The following PTAFR variants were observed in gnomAD, a reference collection of about 807,000 sequenced individuals.
The protein encoded by PTAFR is platelet-activating factor receptor.
PTAFR carries 8 observed loss-of-function variants against 14.7 expected under a neutral mutation model. The ratio of observed to expected loss-of-function variants is 0.54; its 90% CI spans 0.32 to 0.98. The LOEUF (loss-of-function observed/expected upper bound fraction) is 0.98. Among genes scored for constraint, PTAFR ranks in the 50% least tolerant of loss-of-function variants. PTAFR has a pLI of 0.04. For missense variants in PTAFR, 337 were observed against 451.2 expected (o/e 0.75, Z 2.29); for synonymous variants, 156 against 176.5 (o/e 0.88, Z 0.92).
rs866423875 is a variant in PTAFR, at chr1:28,152,068, T to G, written c.-38-1009A>C. ...TGTGACACCACACCTAGCTAATTTT[T>G]GTATTTTTTGTAGGGAAGGGGTTTT... On this transcript the variant is annotated intron_variant, in intron 1 of 1. Coordinates refer to ENST00000373857, the MANE Select transcript of PTAFR (RefSeq NM_000952.5). 3.3e-5 allele frequency among the ~76,000 whole-genome samples: 5 copies of G among 151,586 alleles called. No homozygotes were observed. In the South Asian group the frequency reaches 8.3e-4, roughly 25 times the overall value.
chr1:28,166,656 G>T (rs1646388765), intron 1 of PTAFR, among the ~76,000 whole-genome samples: 1 of 150,832 alleles, frequency 6.6e-6, no homozygotes, highest in Non-Finnish European at 1.5e-5. Context: ...GGGAAACAGA[G>T]CAAGACTCCA....
chr1:28,162,161 C>A lies in PTAFR; in HGVS notation c.-38-11102G>T, dbSNP rs74432414. ...TCGCTAAGCAGGCAAGTAACATGAT[C>A]GGACTCGCTCTAGCTGTCAGGTAGA... On this transcript the variant is annotated intron_variant, in intron 1 of 1. Coordinates refer to ENST00000373857, the MANE Select transcript of PTAFR (RefSeq NM_000952.5). 7.8e-3 allele frequency among the ~76,000 whole-genome samples: 1,190 copies of A among 152,238 alleles called. 20 individuals are homozygous for A. Among genetic ancestry groups the A allele is most frequent in the African/African-American group, 0.027 (1,126 of 41,534 alleles).
exon 1 of PTAFR, chr1:28,193,807 GCTTCTCGGGGAGGTCCTGGATGA>G (rs1377008741): frequency 1.3e-5 from 2 of 153,156 alleles, no homozygotes; most frequent in Non-Finnish European, 2.9e-5. Context: ...TTCCTGGACG[GCTTCTCGGGGAGGTCCTGGATGA>G]CTTCTCGGGG....
chr1:28,186,532 GA>G (rs987237796), intron 1 of PTAFR, among the ~76,000 whole-genome samples: 1 of 152,162 alleles, frequency 6.6e-6, no homozygotes, highest in African/African-American at 2.4e-5. Context: ...GAGTAGCTGA[GA>G]AATTTTTGAA....
At chr1:28,191,036 C>G (rs528969397) in intron 1 of PTAFR, among the ~76,000 whole-genome samples, 2 of 152,216 alleles carry the variant, frequency 1.3e-5, no homozygotes, top group African/African-American at 4.8e-5. Flanking sequence ...CTTCCTCTTC[C>G]TCTCCCTCAC....
chr1:28,153,719 C>G (rs1034637344), intron 1 of PTAFR, among the ~76,000 whole-genome samples: 7 of 151,916 alleles, frequency 4.6e-5, no homozygotes, highest in Non-Finnish European at 2.9e-5. Context: ...GAAACTGTGT[C>G]TCTACTAAAA....
At position 28,162,238 on chromosome 1, in the gene PTAFR, AGAGATGG is replaced by A. The variant is rs567638983; in HGVS notation, c.-38-11186_-38-11180del. Among the ~76,000 whole-genome samples, 47 of 152,330 alleles carry A rather than the reference AGAGATGG, an allele frequency of 3.1e-4. 1 individual carries two copies. The South Asian group carries it at 9.5e-3, about 31-fold the overall frequency. The stretch of plus-strand genomic sequence containing the variant: ...AAACAGCAAGAGCATTTTGGAGGTC[AGAGATGG>A]TGGTGGCATGGACCAGAAAGTGGCA... On this transcript the variant is annotated intron_variant, in intron 1 of 1. Coordinates refer to ENST00000373857, the MANE Select transcript of PTAFR (RefSeq NM_000952.5).
chr1:28,149,870 C>A lies in PTAFR; in HGVS notation c.*123G>T. The A allele has an allele frequency of 7.5e-7, 1 of 1,331,292 alleles. No homozygotes were observed. Among genetic ancestry groups the A allele is most frequent in the Non-Finnish European group, 1.0e-6 (1 of 976,638 alleles). 82.5% of individuals were successfully genotyped at this position (1,331,292 alleles called of 1,614,324 possible). A position where few individuals can be genotyped will look rare whatever the true frequency, so the allele number is the denominator to read the frequency against. Reference sequence around the variant, plus strand: ...CATCCCTGCCCAGGTGAGGTAGCCTCCAAATCTAATGGCCCACCAGTGCCC... The same window carrying A: ...CATCCCTGCCCAGGTGAGGTAGCCTACAAATCTAATGGCCCACCAGTGCCC... On this transcript the variant is annotated 3_prime_UTR_variant, in exon 2 of 2. Transcript: ENST00000373857.
At chr1:28,192,092 A>AT (rs1553166741) in intron 1 of PTAFR, among the ~76,000 whole-genome samples, 2 of 150,800 alleles carry the variant, frequency 1.3e-5, no homozygotes, top group African/African-American at 2.5e-5. Flanking sequence ...ATAGTAAAAC[A>AT]TTTAAAAAAA....
At chr1:28,183,918 T>G (rs528171873) in intron 1 of PTAFR, among the ~76,000 whole-genome samples, 1 of 151,656 alleles carries the variant, frequency 6.6e-6, no homozygotes, top group East Asian at 1.9e-4. Flanking sequence ...AAAAAAACTT[T>G]AAATGATGGA....
chr1:28,158,877 T>A (rs1158933664), intron 1 of PTAFR, among the ~76,000 whole-genome samples: 1 of 152,058 alleles, frequency 6.6e-6, no homozygotes, highest in Non-Finnish European at 1.5e-5. Flanking sequence ...CTGGAGGTGA[T>A]CAGACCAGAG....
chr1:28,189,754 C>T (rs1646637211), intron 1 of PTAFR, among the ~76,000 whole-genome samples: 2 of 151,620 alleles, frequency 1.3e-5, no homozygotes, highest in Admixed American at 6.6e-5. Context: ...CAACCTCCAC[C>T]TCCTGGGCTC....
intron 1 of PTAFR, among the ~76,000 whole-genome samples, chr1:28,185,202 C>T (rs1646596460): frequency 6.6e-6 from 1 of 152,170 alleles, no homozygotes; most frequent in Admixed American, 6.5e-5. Flanking sequence ...CTGTAATCTC[C>T]TTGAGTTTAT....
rs549748209 is a variant in PTAFR, at chr1:28,175,182, G to A, written c.-39+1410C>T. The stretch of plus-strand genomic sequence containing the variant: ...CCGCCTCGGCCTCCTAAAGTGCTGG[G>A]ATTACAGACGTGAGCCACCATGCCC... On this transcript the variant is annotated intron_variant, in intron 1 of 1. Transcript: ENST00000373857. Among the ~76,000 whole-genome samples, 256 of 152,254 alleles carry A rather than the reference G, an allele frequency of 1.7e-3. 1 individual carries two copies. Among genetic ancestry groups the A allele is most frequent in the Middle Eastern group, 0.014 (4 of 294 alleles).
chr1:28,164,000 T>C (rs539000148), intron 1 of PTAFR, among the ~76,000 whole-genome samples: 4 of 152,342 alleles, frequency 2.6e-5, no homozygotes, highest in Admixed American at 2.6e-4. Flanking sequence ...TAAATATTCA[T>C]GAGACAGAAG....
At chr1:28,169,231 T>C (rs1201819478) in intron 1 of PTAFR, among the ~76,000 whole-genome samples, 1 of 151,354 alleles carries the variant, frequency 6.6e-6, no homozygotes, top group African/African-American at 2.4e-5. Context: ...CCCCAGTCTC[T>C]ATAAAATAAA....
chr1:28,154,768 T>G (rs1363580431), intron 1 of PTAFR, among the ~76,000 whole-genome samples: 1 of 125,316 alleles, frequency 8.0e-6, no homozygotes, highest in Non-Finnish European at 1.6e-5. Flanking sequence ...GCCCAGATCA[T>G]GCCTTTGCGC....
chr1:28,168,659 G>A (rs1646418882), intron 1 of PTAFR, among the ~76,000 whole-genome samples: 1 of 151,998 alleles, frequency 6.6e-6, no homozygotes, highest in African/African-American at 2.4e-5. Context: ...CATGCAAGAT[G>A]AAAACATTCT....
intron 1 of PTAFR, among the ~76,000 whole-genome samples, chr1:28,190,554 A>G (rs1321535678): frequency 6.6e-6 from 1 of 152,208 alleles, no homozygotes; most frequent in East Asian, 1.9e-4. Flanking sequence ...AGGAAGTGAG[A>G]AGTCCAGGAA....
Sources: gnomAD v4.1 joint callset for allele counts (sites outside exome capture counted in the v4.1 genomes callset) on GRCh38, gnomAD v4.1.1 for gene constraint, MANE v1.5 for transcripts, NCBI Gene and HGNC (gene_info 2026-07-23, HGNC 2026-07-21) for gene names.